The following MTX2 variants were observed in gnomAD, a reference collection of about 807,000 sequenced individuals.
The protein encoded by MTX2 is metaxin-2.
A neutral mutation model predicts 42.3 loss-of-function variants in MTX2; 35 were observed. That is an observed-to-expected ratio of 0.83 (90% CI 0.63 to 1.10). The LOEUF is 1.10. MTX2 is among the 50% of genes least tolerant of loss of function. The pLI is 0.00. For synonymous variants in MTX2, 119 were observed against 100.9 expected (o/e 1.18, Z -1.08); for missense variants, 307 against 304.1 (o/e 1.01, Z -0.07).
At chr2:176,325,925 G>T (rs952996551) in intron 4 of MTX2, among the ~76,000 whole-genome samples, 1 of 151,660 alleles carries the variant, frequency 6.6e-6, no homozygotes. Context: ...TGAAGCTTTT[G>T]TTAGGCCTCT....
intron 1 of MTX2, among the ~76,000 whole-genome samples, chr2:176,276,844 C>T (rs1372484789): frequency 6.6e-6 from 1 of 152,104 alleles, no homozygotes; most frequent in Non-Finnish European, 1.5e-5. Flanking sequence ...ATTTTAAGCA[C>T]ATCAGTTAGT....
At chr2:176,294,299 T>C (rs928136001) in intron 1 of MTX2, among the ~76,000 whole-genome samples, 18 of 134,876 alleles carry the variant, frequency 1.3e-4, no homozygotes, top group South Asian at 2.5e-4. Context: ...TTTTTTTTTT[T>C]CCTAAGACAG....
rs200877287 is a variant in MTX2 at position 176,337,474 on chromosome 2, C to T, written c.621-19C>T. On this transcript the variant is annotated intron_variant, in intron 9 of 9. Transcript: ENST00000249442. ...AGTTAAATGCTACTTACTCACATTA[C>T]TCTCATTTCTACTTTTAGGCCTACT... 1.4e-5 allele frequency: 21 copies of T among 1,545,222 alleles called. No individual in the cohort carries two copies. In the Admixed American group the frequency reaches 2.8e-4, roughly 21 times the overall value.
At chr2:176,310,725 C>T (rs1684283300) in intron 3 of MTX2, among the ~76,000 whole-genome samples, 2 of 152,118 alleles carry the variant, frequency 1.3e-5, no homozygotes, top group South Asian at 2.1e-4. Flanking sequence ...ACGAAGTTCT[C>T]GTGCCATGGT....
chr2:176,293,683 G>T (rs1037804041), intron 1 of MTX2, among the ~76,000 whole-genome samples: 1 of 152,200 alleles, frequency 6.6e-6, no homozygotes, highest in Non-Finnish European at 1.5e-5. Context: ...ACCAGAAGCA[G>T]ATGCTGGCAC....
chr2:176,322,778 T>G (rs1217653646), intron 3 of MTX2, among the ~76,000 whole-genome samples: 4 of 152,028 alleles, frequency 2.6e-5, no homozygotes, highest in Admixed American at 1.3e-4. Context: ...TTCCATAGTT[T>G]GGATTTACTA....
intron 3 of MTX2, among the ~76,000 whole-genome samples, chr2:176,315,637 A>G (rs1684417785): frequency 6.6e-6 from 1 of 152,204 alleles, no homozygotes; most frequent in South Asian, 2.1e-4. Flanking sequence ...CTCACTCAGT[A>G]GAAGCCAAAG....
At chr2:176,275,749 G>A (rs952807113) in intron 1 of MTX2, among the ~76,000 whole-genome samples, 1 of 151,938 alleles carries the variant, frequency 6.6e-6, no homozygotes, top group Non-Finnish European at 1.5e-5. Context: ...GCTACATGAC[G>A]GCATTTGGAG....
At chr2:176,302,640 G>C (rs1684052174) in intron 3 of MTX2, among the ~76,000 whole-genome samples, 1 of 151,990 alleles carries the variant, frequency 6.6e-6, no homozygotes, top group Non-Finnish European at 1.5e-5. Context: ...GTTTCACCAT[G>C]TTGGCCAGGG....
intron 8 of MTX2, among the ~76,000 whole-genome samples, chr2:176,329,782 T>G (rs904361864): frequency 4.0e-5 from 6 of 150,286 alleles, no homozygotes; most frequent in African/African-American, 1.5e-4. Context: ...TTTTTTTTTT[T>G]TAATTGAACA....
chr2:176,291,814 A>C (rs1326182207), intron 1 of MTX2, among the ~76,000 whole-genome samples: 1 of 152,036 alleles, frequency 6.6e-6, no homozygotes, highest in African/African-American at 2.4e-5. Context: ...AGGAGGATAA[A>C]ATTGTTCCAG....
intron 1 of MTX2, among the ~76,000 whole-genome samples, chr2:176,269,914 A>AC (rs1435792710): frequency 6.6e-6 from 1 of 151,388 alleles, no homozygotes; most frequent in Non-Finnish European, 1.5e-5. Flanking sequence ...ACTTTGTCCC[A>AC]CCTCCCCATT....
chr2:176,275,268 T>TA (rs770384993), intron 1 of MTX2, among the ~76,000 whole-genome samples: 1 of 152,100 alleles, frequency 6.6e-6, no homozygotes, highest in Non-Finnish European at 1.5e-5. Context: ...GGTGGCATTT[T>TA]ACTCTTGTCA....
intron 1 of MTX2, among the ~76,000 whole-genome samples, chr2:176,275,790 A>G (rs1692932900): frequency 6.6e-6 from 1 of 152,208 alleles, no homozygotes; most frequent in Non-Finnish European, 1.5e-5. Flanking sequence ...TTGGGTGGAC[A>G]GGCCTAACTC....
intron 1 of MTX2, among the ~76,000 whole-genome samples, chr2:176,283,504 T>G (rs1693126917): frequency 6.6e-6 from 1 of 152,194 alleles, no homozygotes; most frequent in African/African-American, 2.4e-5. Flanking sequence ...TGTCAGCATT[T>G]CAGGTGGTAT....
Position 176,323,460 on chromosome 2 carries a change from A to T in MTX2, c.204A>T (p.Pro68=). 6.2e-7 allele frequency: 1 copy of T among 1,609,450 alleles called. No individual in the cohort carries two copies. Among genetic ancestry groups the T allele is most frequent in the Non-Finnish European group, 8.5e-7 (1 of 1,176,984 alleles). Residue 68 remains proline, a synonymous_variant, in exon 4 of 10, where the codon CCA becomes CCT. Transcript: ENST00000249442. The stretch of plus-strand genomic sequence containing the variant: ...GGGCAAATGCAGAATATATGTCTCC[A>T]TCTGGTAAGTGTGTTTTTTTTTCTT... ...VCRANAEYMS[P]SGKVPFIHVG...
intron 1 of MTX2, among the ~76,000 whole-genome samples, chr2:176,280,265 G>A (rs1693048224): frequency 6.6e-6 from 1 of 152,202 alleles, no homozygotes; most frequent in African/African-American, 2.4e-5. Flanking sequence ...TAGGGAAAGT[G>A]CAAGTGTCAA....
chr2:176,302,083 G>C (rs1238110748), intron 3 of MTX2, among the ~76,000 whole-genome samples: 1 of 150,072 alleles, frequency 6.7e-6, no homozygotes, highest in Admixed American at 6.6e-5. Context: ...GTTTTAGAAA[G>C]AATTTCGCTT....
chr2:176,329,585 A>G (rs1412788788), intron 8 of MTX2, among the ~76,000 whole-genome samples, 159 bp downstream of exon 8: 2 of 151,258 alleles, frequency 1.3e-5, no homozygotes, highest in African/African-American at 2.4e-5. Context: ...CTAAAAAATC[A>G]TACATGCTTG....
Sources: gnomAD v4.1 joint callset for allele counts (sites outside exome capture counted in the v4.1 genomes callset) on GRCh38, gnomAD v4.1.1 for gene constraint, MANE v1.5 for transcripts, NCBI Gene and HGNC (gene_info 2026-07-23, HGNC 2026-07-21) for gene names.